BNC2: variants seen among roughly 807,000 people sequenced by gnomAD.
BNC2 encodes the protein zinc finger protein basonuclin-2.
A neutral mutation model predicts 76.3 loss-of-function variants in BNC2; 20 were observed. That is an observed-to-expected ratio of 0.26 (90% CI 0.18 to 0.38). BNC2 has a LOEUF of 0.38. Ranked by LOEUF, BNC2 falls within the 10% of genes least tolerant of loss-of-function variation. The probability of loss-of-function intolerance (pLI) is 1.00; values close to 1 mark genes in which losing one functional copy is unlikely to be tolerated. For missense variants in BNC2, 1,382 were observed against 1,399.8 expected, an observed-to-expected ratio of 0.99 and a Z score of 0.20; for synonymous variants, 582 against 514.8, an observed-to-expected ratio of 1.13 and a Z score of -1.77.
chr9:16,800,450 A>G (rs1173742077), intron 1 of BNC2, among the ~76,000 whole-genome samples: 1 of 152,194 alleles, frequency 6.6e-6, no homozygotes, highest in Non-Finnish European at 1.5e-5. Flanking sequence ...CCTGTCTAAT[A>G]AAGTTGAGGG....
chr9:16,414,267 C>T lies in BNC2; in HGVS notation c.*4722G>A, dbSNP rs934260287. Reference sequence around the variant, plus strand: ...ATGCCAGTCTTTTCTCTCGAGCCAACATTTCCAGTGCATTCATGATTTCCT... The same window carrying T: ...ATGCCAGTCTTTTCTCTCGAGCCAATATTTCCAGTGCATTCATGATTTCCT... On this transcript the variant is annotated 3_prime_UTR_variant, in exon 7 of 7. Transcript: ENST00000380672. 6 of 152,290 alleles carry T rather than the reference C, an allele frequency of 3.9e-5. No homozygotes were observed. Among genetic ancestry groups the T allele is most frequent in the African/African-American group, 1.4e-4 (6 of 41,456 alleles). 9.4% of individuals were successfully genotyped at this position (152,290 alleles called of 1,614,324 possible).
intron 3 of BNC2, among the ~76,000 whole-genome samples, chr9:16,615,544 C>A (rs928925346): frequency 6.6e-6 from 1 of 152,082 alleles, no homozygotes; most frequent in Admixed American, 6.5e-5. Flanking sequence ...GAAGGCCTTG[C>A]TACGTTTCCT....
At chr9:16,497,927 C>T (rs1455860569) in intron 5 of BNC2, among the ~76,000 whole-genome samples, 2 of 150,370 alleles carry the variant, frequency 1.3e-5, no homozygotes, top group Non-Finnish European at 1.5e-5. Context: ...ACTGCAAAAT[C>T]GTGGAACCAA....
chr9:16,659,947 A>G (rs1212061921), intron 3 of BNC2, among the ~76,000 whole-genome samples: 1 of 152,246 alleles, frequency 6.6e-6, no homozygotes, highest in Non-Finnish European at 1.5e-5. Context: ...TACCTCCAGC[A>G]ACCAAATAGA....
At chr9:16,685,926 G>T (rs904566868) in intron 3 of BNC2, among the ~76,000 whole-genome samples, 3 of 152,162 alleles carry the variant, frequency 2.0e-5, no homozygotes, top group African/African-American at 7.2e-5. Flanking sequence ...CGGACAGGAG[G>T]AGGGAGACAG....
intron 1 of BNC2, among the ~76,000 whole-genome samples, chr9:16,825,182 G>A (rs1226724419): frequency 6.6e-6 from 1 of 151,986 alleles, no homozygotes; most frequent in Non-Finnish European, 1.5e-5. Context: ...CAGCCCAAAT[G>A]CAACCACTTT....
intron 3 of BNC2, among the ~76,000 whole-genome samples, chr9:16,589,581 T>C (rs1412625321): frequency 2.0e-5 from 3 of 152,020 alleles, no homozygotes; most frequent in Non-Finnish European, 4.4e-5. Context: ...CAATCTCAGC[T>C]CACTGCAACC....
intron 3 of BNC2, among the ~76,000 whole-genome samples, chr9:16,723,687 G>T (rs1347132837): frequency 1.3e-5 from 2 of 152,040 alleles, no homozygotes; most frequent in Non-Finnish European, 2.9e-5. Flanking sequence ...AAAGGTGCTA[G>T]ATTTTTATAT....
chr9:16,702,971 A>C (rs1467038751), intron 3 of BNC2, among the ~76,000 whole-genome samples: 3 of 152,248 alleles, frequency 2.0e-5, no homozygotes, highest in Admixed American at 2.0e-4. Flanking sequence ...TGCCTGGCAC[A>C]ATGGGAACAG....
Position 16,685,385 on chromosome 9 carries a change from C to A in BNC2, c.330+42412G>T, listed in dbSNP as rs143751774. Among the ~76,000 whole-genome samples, 516 of 152,326 alleles carry A rather than the reference C, an allele frequency of 3.4e-3. 6 individuals carry two copies. Among genetic ancestry groups the A allele is most frequent in the Non-Finnish European group, 3.2e-3 (215 of 68,018 alleles). On this transcript the variant is annotated intron_variant, in intron 3 of 6. Coordinates refer to ENST00000380672, the MANE Select transcript of BNC2 (RefSeq NM_017637.6). The stretch of plus-strand genomic sequence containing the variant: ...GATCTACAGTTACAGACAACGCATC[C>A]TGAAAAGGACCTATGGCTGCACATA...
chr9:16,584,985 C>T (rs769021903), intron 3 of BNC2, among the ~76,000 whole-genome samples: 20 of 152,182 alleles, frequency 1.3e-4, no homozygotes, highest in Admixed American at 5.9e-4. Flanking sequence ...AATAGCTCTG[C>T]TTTACCGAAA....
chr9:16,667,293 G>C (rs966344240), intron 3 of BNC2, among the ~76,000 whole-genome samples: 2 of 152,102 alleles, frequency 1.3e-5, no homozygotes, highest in African/African-American at 4.8e-5. Flanking sequence ...TTTATTCAAG[G>C]AGTTTTTCCT....
chr9:16,794,870 G>T (rs1282693475), intron 1 of BNC2, among the ~76,000 whole-genome samples: 3 of 151,072 alleles, frequency 2.0e-5, no homozygotes, highest in Non-Finnish European at 4.4e-5. Flanking sequence ...GAAGTGTCAG[G>T]CTCAAATTAC....
At chr9:16,797,788 A>C (rs751013323) in intron 1 of BNC2, among the ~76,000 whole-genome samples, 2 of 152,162 alleles carry the variant, frequency 1.3e-5, no homozygotes, top group Non-Finnish European at 2.9e-5. Flanking sequence ...CCAGGGCAAC[A>C]AATGATACAA....
At position 16,435,585 on chromosome 9, in the gene BNC2, G is replaced by A. The variant is rs1342625140; in HGVS notation, c.2609C>T (p.Ala870Val). ...MHVCTVAGCN[A>V]AFPSRRSRDR... is the part of the protein sequence containing the mutation. ...TCGGCTTCGGCGAGAGGGGAATGCA[G>A]CATTGCAACCAGCCACTGTGCAGAC... The change falls in exon 6 of 7, where the codon GCT becomes GTT. Residue 870 changes from alanine to valine, a missense_variant. Ala to Val is a moderately conservative substitution (Grantham distance 64). Coordinates refer to ENST00000380672, the MANE Select transcript of BNC2 (RefSeq NM_017637.6). The A allele has an allele frequency of 5.0e-6, 8 of 1,614,094 alleles. No individual in the cohort carries two copies. The highest frequency in any genetic ancestry group is 5.1e-6 in the Non-Finnish European group (6 of 1,180,022).
chr9:16,661,818 CA>C (rs1822119059), intron 3 of BNC2, among the ~76,000 whole-genome samples: 1 of 152,094 alleles, frequency 6.6e-6, no homozygotes, highest in African/African-American at 2.4e-5. Context: ...ATGTCTACTA[CA>C]GAGTTAAATA....
chr9:16,579,809 T>A (rs187244022), intron 4 of BNC2: 1 of 273,442 alleles, frequency 3.7e-6, no homozygotes, highest in East Asian at 6.5e-5. Flanking sequence ...ACAAGGATAA[T>A]TTATTCAAGA....
chr9:16,796,165 G>C (rs145054328), intron 1 of BNC2, among the ~76,000 whole-genome samples: 1 of 152,242 alleles, frequency 6.6e-6, no homozygotes, highest in East Asian at 1.9e-4. Flanking sequence ...ACACAAAATG[G>C]CATTAACCAT....
In BNC2 at chr9:16,443,598, C is replaced by T. The variant is rs563336935; in HGVS notation, c.670-6074G>A. 2.7e-5 allele frequency among the ~76,000 whole-genome samples: 4 copies of T among 148,854 alleles called. No homozygotes were observed. In the South Asian group the frequency reaches 8.3e-4, roughly 31 times the overall value. On this transcript the variant is annotated intron_variant, in intron 5 of 6. Coordinates refer to ENST00000380672, the MANE Select transcript of BNC2 (RefSeq NM_017637.6). The stretch of plus-strand genomic sequence containing the variant: ...TAAATCATAAATTTTACCAGGTTTT[C>T]TAGATGTTCAAGTCTTAGGGGTAAA...
Sources: gnomAD v4.1 joint callset for allele counts (sites outside exome capture counted in the v4.1 genomes callset) on GRCh38, gnomAD v4.1.1 for gene constraint, MANE v1.5 for transcripts, NCBI Gene and HGNC (gene_info 2026-07-23, HGNC 2026-07-21) for gene names.